The following LY96 variants were observed in gnomAD, a reference collection of about 807,000 sequenced individuals.
The protein encoded by LY96 is myeloid differentiation protein-2.
In LY96, 18 loss-of-function variants were observed where a neutral mutation model predicts 18.9. That is an observed-to-expected ratio of 0.95 (90% CI 0.66 to 1.41). The LOEUF is 1.41. LY96 is among the 40% of genes most tolerant of loss of function. The probability of loss-of-function intolerance (pLI) is 0.00; values close to 1 mark genes in which losing one functional copy is unlikely to be tolerated. For missense variants in LY96, 175 were observed against 182.4 expected (o/e 0.96, Z 0.23); for synonymous variants, 66 against 62.6 (o/e 1.06, Z -0.26).
intron 3 of LY96, among the ~76,000 whole-genome samples, chr8:74,025,580 A>G (rs995254240): frequency 1.3e-5 from 2 of 148,908 alleles, no homozygotes; most frequent in Non-Finnish European, 3.0e-5. Context: ...GCGTGAACCC[A>G]GGAGGCGGAG....
intron 1 of LY96, among the ~76,000 whole-genome samples, chr8:74,001,112 C>T (rs1345580920): frequency 1.1e-4 from 16 of 152,022 alleles, no homozygotes; most frequent in South Asian, 2.1e-4. Context: ...ATAGTTATGA[C>T]AGTCTGTTTT....
the LY96 span, among the ~76,000 whole-genome samples, chr8:74,090,466 A>G: frequency 6.6e-6 from 1 of 152,228 alleles, no homozygotes; most frequent in Non-Finnish European, 1.5e-5. Context: ...ACATTAAAAG[A>G]ATGGAAGCAG....
intron 1 of LY96, among the ~76,000 whole-genome samples, chr8:74,004,346 G>A (rs144711127): frequency 4.1e-4 from 63 of 152,248 alleles, no homozygotes; most frequent in African/African-American, 7.7e-4. Flanking sequence ...GGGAGCCCTC[G>A]TGAAAAAGTT....
downstream of LY96, among the ~76,000 whole-genome samples, chr8:74,032,720 A>G (rs981677724): frequency 1.3e-5 from 2 of 152,200 alleles, no homozygotes; most frequent in Non-Finnish European, 1.5e-5. Context: ...TGTAAAAATA[A>G]CTACTTTAAG....
At chr8:74,047,417 A>C in the LY96 span, among the ~76,000 whole-genome samples, 1 of 152,220 alleles carries the variant, frequency 6.6e-6, no homozygotes, top group Non-Finnish European at 1.5e-5. Context: ...ACGTGGAGGC[A>C]GAGGGTTCAG....
chr8:74,069,575 AATTTATTTATTTATTT>A, the LY96 span, among the ~76,000 whole-genome samples: 7 of 151,894 alleles, frequency 4.6e-5, no homozygotes, highest in Non-Finnish European at 1.0e-4. Flanking sequence ...GCAGCCAATC[AATTTATTTATTTATTT>A]ATTTATTTAT....
In LY96 at chr8:73,991,440, A is replaced by G. The variant is rs918519175; in HGVS notation, c.-3A>G. ...ATTTGTAAAGCTTTGGAGATATTGA[A>G]TCATGTTACCATTTCTGTTTTTTTC... is the stretch of plus-strand genomic sequence containing the variant. On this transcript the variant is annotated 5_prime_UTR_variant, in exon 1 of 5. Coordinates refer to ENST00000284818, the MANE Select transcript of LY96 (RefSeq NM_015364.5). The G allele has an allele frequency of 6.6e-7, 1 of 1,522,402 alleles. No homozygotes were observed. The highest frequency in any genetic ancestry group is 9.1e-7 in the Non-Finnish European group (1 of 1,096,710). The allele number at this position is 1,522,402 out of a possible 1,614,324, so 94.3% of individuals were successfully genotyped here.
chr8:74,034,976 T>C, the LY96 span, among the ~76,000 whole-genome samples: 1 of 152,206 alleles, frequency 6.6e-6, no homozygotes, highest in Non-Finnish European at 1.5e-5. Context: ...TAAAGGAAGA[T>C]AATTACTGAC....
At chr8:73,996,987 C>T (rs760455078) in intron 1 of LY96, among the ~76,000 whole-genome samples, 4 of 152,132 alleles carry the variant, frequency 2.6e-5, no homozygotes, top group Non-Finnish European at 4.4e-5. Flanking sequence ...TCAGACAATC[C>T]ACCCGCCTGG....
chr8:74,057,800 C>T, the LY96 span, among the ~76,000 whole-genome samples: 2,155 of 152,330 alleles, frequency 0.014, 83 homozygotes, highest in Admixed American at 0.077. Flanking sequence ...ACTCTAACAG[C>T]TTAATTTCCT....
the LY96 span, among the ~76,000 whole-genome samples, chr8:74,044,662 G>T: frequency 3.3e-5 from 5 of 152,066 alleles, no homozygotes; most frequent in Non-Finnish European, 7.4e-5. Context: ...AAGCTGAGGG[G>T]CTCACAGACT....
chr8:74,038,644 G>A, the LY96 span, among the ~76,000 whole-genome samples: 5 of 152,246 alleles, frequency 3.3e-5, no homozygotes, highest in African/African-American at 4.8e-5. Context: ...CTACCGTCTC[G>A]GCTTCCCAAA....
At chr8:74,001,971 C>A (rs971066139) in intron 1 of LY96, among the ~76,000 whole-genome samples, 104 of 136,012 alleles carry the variant, frequency 7.6e-4, no homozygotes, top group African/African-American at 2.9e-3. Context: ...TCCTTCCTTC[C>A]TTCCTTCCCT....
At chr8:74,055,422 C>T in the LY96 span, among the ~76,000 whole-genome samples, 1 of 152,066 alleles carries the variant, frequency 6.6e-6, no homozygotes, top group Admixed American at 6.5e-5. Context: ...TTCCTTGGTC[C>T]CTATCTGTAA....
At chr8:74,084,995 A>C in the LY96 span, among the ~76,000 whole-genome samples, 1 of 152,212 alleles carries the variant, frequency 6.6e-6, no homozygotes, top group Non-Finnish European at 1.5e-5. Context: ...CAAATGACAA[A>C]TAACAGGTTA....
At chr8:74,005,805 A>G (rs1395153043) in intron 2 of LY96, among the ~76,000 whole-genome samples, 1 of 152,210 alleles carries the variant, frequency 6.6e-6, no homozygotes, top group African/African-American at 2.4e-5. Context: ...AACATTGTTT[A>G]TTGCCTGTAA....
intron 2 of LY96, among the ~76,000 whole-genome samples, chr8:74,005,457 A>G (rs575523544): frequency 7.2e-5 from 11 of 152,342 alleles, no homozygotes; most frequent in African/African-American, 2.4e-4. Flanking sequence ...GTGGGTAGAA[A>G]TGGGAATAAC....
chr8:74,039,417 C>T, the LY96 span, among the ~76,000 whole-genome samples: 1 of 151,908 alleles, frequency 6.6e-6, no homozygotes, highest in East Asian at 1.9e-4. Context: ...GTGTTCTCCC[C>T]GTGTGCGGAC....
the LY96 span, among the ~76,000 whole-genome samples, chr8:74,098,733 G>C: frequency 6.6e-6 from 1 of 152,184 alleles, no homozygotes. Flanking sequence ...TGTTGCTCTT[G>C]ACAGCAGCTG....
Sources: gnomAD v4.1 joint callset for allele counts (sites outside exome capture counted in the v4.1 genomes callset) on GRCh38, gnomAD v4.1.1 for gene constraint, MANE v1.5 for transcripts, NCBI Gene and HGNC (gene_info 2026-07-23, HGNC 2026-07-21) for gene names.